TFAP2B: variants seen among roughly 807,000 people sequenced by gnomAD.
TFAP2B encodes the protein transcription factor AP-2-beta.
TFAP2B carries 9 observed loss-of-function variants against 44.3 expected under a neutral mutation model. That is an observed-to-expected ratio of 0.20 (90% CI 0.12 to 0.35). The LOEUF is 0.35. TFAP2B is among the 10% of genes least tolerant of loss of function. The pLI is 1.00. For missense variants in TFAP2B, 509 were observed against 600.0 expected (o/e 0.85, Z 1.59); for synonymous variants, 270 against 263.8 (o/e 1.02, Z -0.23).
intron 6 of TFAP2B, among the ~76,000 whole-genome samples, chr6:50,842,808 A>G (rs1762758064): frequency 6.6e-6 from 1 of 152,224 alleles, no homozygotes; most frequent in Non-Finnish European, 1.5e-5. Context: ...GAATGTCCCA[A>G]AGCGAGTCCA....
At chr6:50,833,523 A>AAAAAAC (rs76541102) in intron 3 of TFAP2B, among the ~76,000 whole-genome samples, 26,146 of 151,478 alleles carry the variant, frequency 0.17, 2,504 homozygotes, top group Admixed American at 0.28. Context: ...CTGGAAGGGG[A>AAAAAAC]AAAAACAAAA....
In TFAP2B at chr6:50,831,885, A is replaced by G. The variant is rs533557263; in HGVS notation, c.601+3206A>G. 6.6e-5 allele frequency among the ~76,000 whole-genome samples: 10 copies of G among 152,238 alleles called. No homozygotes were observed. In the South Asian group the frequency reaches 1.5e-3, roughly 22 times the overall value. On this transcript the variant is annotated intron_variant, in intron 3 of 6. Transcript: ENST00000393655. The stretch of plus-strand genomic sequence containing the variant: ...GGTTCAAATGTTGTGACTGTGGGGC[A>G]TTTTCATTGGTCTTAGGGATATCCT...
intron 3 of TFAP2B, among the ~76,000 whole-genome samples, chr6:50,835,242 A>C (rs1030773681): frequency 1.3e-5 from 2 of 152,256 alleles, no homozygotes; most frequent in African/African-American, 4.8e-5. Flanking sequence ...GCTCATATGA[A>C]TTAGAGTGAT....
At chr6:50,840,025 C>G (rs537487889) in intron 5 of TFAP2B, 131 bp from the exon 6 acceptor site, 71 of 1,217,214 alleles carry the variant, frequency 5.8e-5, no homozygotes, top group Non-Finnish European at 6.4e-5. Flanking sequence ...TTAGGCATCT[C>G]TCACCTTTGC....
intron 3 of TFAP2B, among the ~76,000 whole-genome samples, chr6:50,830,633 T>C (rs1770647099): frequency 6.6e-6 from 1 of 152,234 alleles, no homozygotes; most frequent in African/African-American, 2.4e-5. Flanking sequence ...AGTTGCATTA[T>C]TTAATATTTG....
chr6:50,819,890 C>T (rs1398401261), intron 1 of TFAP2B, among the ~76,000 whole-genome samples: 1 of 151,500 alleles, frequency 6.6e-6, no homozygotes. Context: ...CCGAGGCGGG[C>T]GAGGCGCGGG....
intron 6 of TFAP2B, among the ~76,000 whole-genome samples, chr6:50,840,987 G>T (rs895202349): frequency 6.6e-6 from 1 of 152,232 alleles, no homozygotes; most frequent in African/African-American, 2.4e-5. Context: ...AAACAGCCGC[G>T]CTCATTTATT....
At chr6:50,826,571 G>C (rs1456576524) in intron 2 of TFAP2B, among the ~76,000 whole-genome samples, 3 of 140,734 alleles carry the variant, frequency 2.1e-5, no homozygotes, top group Non-Finnish European at 4.6e-5. Context: ...GCATGAGCGC[G>C]CGCGCGCGCG....
Position 50,823,489 on chromosome 6 carries a change from C to T in TFAP2B, c.164C>T (p.Pro55Leu), listed in dbSNP as rs763991998. The change falls in exon 2 of 7, where the codon CCG becomes CTG. Residue 55 changes from proline (P) to leucine (L), a missense_variant. This residue lies in a region of TFAP2B where 296 missense variants were observed against 308.2 expected (regional missense o/e 0.96). Coordinates refer to ENST00000393655, the MANE Select transcript of TFAP2B (RefSeq NM_003221.4). ...TCCCAAGGACCCTACTCGAGCGCCC[C>T]GCCGCTGTCCCACACCCCGTCGTCG... ...SVSQGPYSSA[P>L]PLSHTPSSDF... The T allele has an allele frequency of 2.5e-6, 4 of 1,613,282 alleles. No homozygotes were observed. The highest frequency in any genetic ancestry group is 3.3e-5 in the Admixed American group (2 of 59,936).
chr6:50,839,583 A>C (rs2113954923), intron 5 of TFAP2B, among the ~76,000 whole-genome samples: 1 of 152,340 alleles, frequency 6.6e-6, no homozygotes, highest in East Asian at 1.9e-4. Context: ...GGAACCTCTG[A>C]AGGGGAGAAA....
rs1451386753 is a variant in TFAP2B, at chr6:50,845,425, A to T, written c.*2033A>T. ...GAAGTTAGGAAGCTCGTCTCAGGTC[A>T]CCAAAAGGGCCCAAGCAACTGTTAG... is the stretch of plus-strand genomic sequence containing the variant. On this transcript the variant is annotated 3_prime_UTR_variant, in exon 7 of 7. Coordinates refer to ENST00000393655, the MANE Select transcript of TFAP2B (RefSeq NM_003221.4). 1 of 152,226 alleles carries T rather than the reference A, an allele frequency of 6.6e-6. No homozygotes were observed. The highest frequency in any genetic ancestry group is 1.5e-5 in the Non-Finnish European group (1 of 68,086). 9.4% of individuals were successfully genotyped at this position (152,226 alleles called of 1,614,324 possible).
rs764621986 is a variant in TFAP2B at position 50,843,379 on chromosome 6, A to G, written c.1370A>G (p.Lys457Arg). The G allele has an allele frequency of 1.2e-6, 2 of 1,613,370 alleles. No individual in the cohort carries two copies. Among genetic ancestry groups the G allele is most frequent in the Non-Finnish European group, 8.5e-7 (1 of 1,179,914 alleles). The change falls in exon 7 of 7, where the codon AAA becomes AGA. Residue 457 changes from lysine (K) to arginine (R), a missense_variant. Physicochemically the swap from Lys to Arg is conservative, Grantham distance 26. Around this residue, in one of 3 missense-constraint regions of TFAP2B, gnomAD observed 168 missense variants for 183.2 expected, o/e 0.92. Transcript: ENST00000393655. ...PGSKTGDKEE[K>R]HRK ...AGTAAAACTGGCGACAAGGAGGAGA[A>G]ACACAGGAAATGAAAAATTTTTAAA...
At chr6:50,838,193 A>G (rs1581827278) in intron 5 of TFAP2B, 100 bp downstream of exon 5, 1 of 1,027,312 alleles carries the variant, frequency 9.7e-7, no homozygotes, top group Non-Finnish European at 1.5e-6. Flanking sequence ...AATCGTTGTG[A>G]TTGTTGTGCT....
At chr6:50,842,729 A>G (rs1001009525) in intron 6 of TFAP2B, among the ~76,000 whole-genome samples, 6 of 152,224 alleles carry the variant, frequency 3.9e-5, no homozygotes, top group Admixed American at 3.3e-4. Context: ...CGGGGGAAAC[A>G]GCTCAAAAGA....
chr6:50,828,048 T>C (rs771833778), intron 2 of TFAP2B, among the ~76,000 whole-genome samples: 2 of 152,176 alleles, frequency 1.3e-5, no homozygotes, highest in African/African-American at 2.4e-5. Flanking sequence ...GAGACTGTCA[T>C]TGTGCAGCAA....
chr6:50,841,407 C>A (rs552564460), intron 6 of TFAP2B, among the ~76,000 whole-genome samples: 55 of 152,030 alleles, frequency 3.6e-4, no homozygotes, highest in African/African-American at 6.5e-4. Context: ...CTGCCCCTTG[C>A]GCTGGTGTCT....
At chr6:50,824,367 C>T (rs1383388122) in intron 2 of TFAP2B, among the ~76,000 whole-genome samples, 1 of 152,156 alleles carries the variant, frequency 6.6e-6, no homozygotes, top group African/African-American at 2.4e-5. Context: ...GCTGAATTTG[C>T]AAAGATTTTG....
intron 3 of TFAP2B, among the ~76,000 whole-genome samples, chr6:50,830,592 G>A (rs932527471): frequency 6.6e-6 from 1 of 152,134 alleles, no homozygotes; most frequent in Admixed American, 6.5e-5. Flanking sequence ...GATTCAGAGG[G>A]TGTGGTATGA....
At chr6:50,818,711 G>C (rs1020778456), upstream of TFAP2B, 2 of 612,138 alleles carry the variant, frequency 3.3e-6, no homozygotes, top group Middle Eastern at 4.2e-4. Flanking sequence ...ACTCCTGTGT[G>C]TGCAATAATG....
Sources: gnomAD v4.1 joint callset for allele counts (sites outside exome capture counted in the v4.1 genomes callset) on GRCh38, gnomAD v4.1.1 for gene constraint, gnomAD v4.1.1 regional missense constraint, MANE v1.5 for transcripts, NCBI Gene and HGNC (gene_info 2026-07-23, HGNC 2026-07-21) for gene names.